N4BP2: variants seen among roughly 807,000 people sequenced by gnomAD.
The protein encoded by N4BP2 is NEDD4-binding protein 2.
N4BP2 carries 91 observed loss-of-function variants against 152.8 expected under a neutral mutation model. The ratio of observed to expected loss-of-function variants is 0.60; its 90% CI spans 0.50 to 0.71. The LOEUF is 0.71. N4BP2 is among the 30% of genes least tolerant of loss of function. N4BP2 has a pLI of 0.00. For missense variants in N4BP2, 1,923 were observed against 2,059.1 expected (o/e 0.93, Z 1.28); for synonymous variants, 646 against 705.3 (o/e 0.92, Z 1.33).
In N4BP2 at chr4:40,139,965, A is replaced by G. The variant is rs567327596; in HGVS notation, c.4786-2708A>G. Among the ~76,000 whole-genome samples the G allele has an allele frequency of 2.7e-5, 4 of 148,622 alleles. No individual in the cohort carries two copies. The East Asian group carries it at 8.1e-4, about 30-fold the overall frequency. On this transcript the variant is annotated intron_variant, in intron 14 of 17. Coordinates refer to ENST00000261435, the MANE Select transcript of N4BP2 (RefSeq NM_018177.6). ...CAGGCATGAACCACCACACCTGGCT[A>G]ATTTTTGTATTTTTTGTAGAGATAG...
At chr4:40,181,915 CT>C in the N4BP2 span, among the ~76,000 whole-genome samples, 1 of 152,218 alleles carries the variant, frequency 6.6e-6, no homozygotes, top group African/African-American at 2.4e-5. Context: ...TGCTACTGCA[CT>C]CCAGCCTGTG....
Position 40,154,705 on chromosome 4 carries a change from C to G in N4BP2, c.*468C>G, listed in dbSNP as rs1451057672. ...AAAAAAAGGAGATCTAACAAAAACACTTGAATATTTTTTATTTTCAAAACT... is the reference window on the plus strand; with the variant it reads ...AAAAAAAGGAGATCTAACAAAAACAGTTGAATATTTTTTATTTTCAAAACT... On this transcript the variant is annotated 3_prime_UTR_variant, in exon 18 of 18. Transcript: ENST00000261435. 1 of 153,186 alleles carries G rather than the reference C, an allele frequency of 6.5e-6. No individual in the cohort carries two copies. Among genetic ancestry groups the G allele is most frequent in the African/African-American group, 2.4e-5 (1 of 41,468 alleles). The allele number at this position is 153,186 out of a possible 1,614,324, so 9.5% of individuals were successfully genotyped here.
chr4:40,102,398 AG>A lies in N4BP2; in HGVS notation c.554del (p.Ser185IlefsTer3), dbSNP rs1321348492. ...AAGTGAGTTTATAAATCCTGATTCA[AG>A]TAATATGACTCCCATTTTTTCTACA... ...DSSEFINPDS[S>X]NMTPIFSTQN... On this transcript the variant is annotated frameshift_variant, in exon 4 of 18. Transcript: ENST00000261435. LOFTEE classifies it high-confidence loss of function. The A allele has an allele frequency of 1.2e-6, 2 of 1,611,808 alleles. No individual in the cohort carries two copies. Among genetic ancestry groups the A allele is most frequent in the Non-Finnish European group, 1.7e-6 (2 of 1,179,106 alleles).
chr4:40,133,844 T>A (rs1480915359), intron 13 of N4BP2, among the ~76,000 whole-genome samples: 1 of 150,628 alleles, frequency 6.6e-6, no homozygotes, highest in Admixed American at 6.6e-5. Context: ...ATCTTGCTGT[T>A]GCCCAGGCTG....
At chr4:40,183,723 A>G in the N4BP2 span, among the ~76,000 whole-genome samples, 7 of 152,382 alleles carry the variant, frequency 4.6e-5, no homozygotes, top group East Asian at 1.3e-3. Context: ...ACAGTCAAGT[A>G]TTAGAGTAAT....
At chr4:40,169,681 G>A in the N4BP2 span, among the ~76,000 whole-genome samples, 2 of 150,746 alleles carry the variant, frequency 1.3e-5, no homozygotes, top group African/African-American at 2.4e-5. Flanking sequence ...CAAAAAAAAG[G>A]AAGCTGGGTG....
At chr4:40,132,859 G>A (rs565205741) in intron 13 of N4BP2, among the ~76,000 whole-genome samples, 1 of 150,204 alleles carries the variant, frequency 6.7e-6, no homozygotes, top group Admixed American at 6.6e-5. Context: ...TTTAATGCAG[G>A]TAGGAATTGA....
In N4BP2 at chr4:40,102,851, A is replaced by C. The variant is rs371309025; in HGVS notation, c.1006A>C (p.Thr336Pro). 6.2e-7 allele frequency: 1 copy of C among 1,614,050 alleles called. No homozygotes were observed. Among genetic ancestry groups the C allele is most frequent in the East Asian group, 2.2e-5 (1 of 44,898 alleles). Residue 336 changes from threonine to proline, a missense_variant, in exon 4 of 18, where the codon ACT (threonine) becomes CCT (proline). Coordinates refer to ENST00000261435, the MANE Select transcript of N4BP2 (RefSeq NM_018177.6). ...FKPHKHPELP[T>P]KGKDVSYCPV... Reference sequence around the variant, plus strand: ...GCCACACAAACATCCTGAACTGCCAACTAAGGGGAAGGATGTGAGTTACTG... The same window carrying C: ...GCCACACAAACATCCTGAACTGCCACCTAAGGGGAAGGATGTGAGTTACTG...
chr4:40,173,706 A>G, the N4BP2 span, among the ~76,000 whole-genome samples: 1 of 152,202 alleles, frequency 6.6e-6, no homozygotes, highest in Admixed American at 6.5e-5. Flanking sequence ...GTCACAGTCA[A>G]AGTCAAACTG....
At chr4:40,188,306 TCA>T in the N4BP2 span, among the ~76,000 whole-genome samples, 25,338 of 152,150 alleles carry the variant, frequency 0.17, 2,535 homozygotes, top group South Asian at 0.34. Flanking sequence ...GACTATGGAA[TCA>T]CAGGCTGTGC....
chr4:40,150,252 A>T (rs61609256), intron 16 of N4BP2, among the ~76,000 whole-genome samples: 1,778 of 152,350 alleles, frequency 0.012, 40 homozygotes, highest in African/African-American at 0.041. Flanking sequence ...TTTGCCTCCA[A>T]ATCAAACTAG....
the N4BP2 span, among the ~76,000 whole-genome samples, chr4:40,190,436 T>G: frequency 1.3e-5 from 2 of 152,242 alleles, no homozygotes; most frequent in Non-Finnish European, 2.9e-5. Context: ...TGTGTCCTTT[T>G]AACTCATTGT....
intron 11 of N4BP2, 24 bp downstream of exon 11, chr4:40,124,229 A>T (rs374883055): frequency 2.2e-5 from 35 of 1,564,676 alleles, no homozygotes; most frequent in Non-Finnish European, 2.8e-5. Context: ...TTTTATTTCT[A>T]ATGTCTTAAT....
chr4:40,121,429 C>A lies in N4BP2; in HGVS notation c.3318C>A (p.Ala1106=). Reference sequence around the variant, plus strand: ...TGTTTGGATCCTTTTCATTAGAAGCCCTGAAAGACTTATATGAGAGGTGCA... The same window carrying A: ...TGTTTGGATCCTTTTCATTAGAAGCACTGAAAGACTTATATGAGAGGTGCA... ...CKLFGSFSLE[A]LKDLYERCNK... Residue 1106 remains alanine, a synonymous_variant, in exon 9 of 18, where the codon GCC becomes GCA. Coordinates refer to ENST00000261435, the MANE Select transcript of N4BP2 (RefSeq NM_018177.6). 7.4e-6 allele frequency: 12 copies of A among 1,611,988 alleles called. No individual in the cohort carries two copies. Among genetic ancestry groups the A allele is most frequent in the Admixed American group, 1.7e-5 (1 of 59,408 alleles).
intron 16 of N4BP2, among the ~76,000 whole-genome samples, chr4:40,150,872 A>T (rs146655087): frequency 4.6e-5 from 7 of 152,354 alleles, no homozygotes; most frequent in African/African-American, 1.7e-4. Context: ...GAAATTTTGG[A>T]AACTAATGAT....
chr4:40,101,523 C>G (rs1318971216), intron 3 of N4BP2, among the ~76,000 whole-genome samples: 2 of 152,112 alleles, frequency 1.3e-5, no homozygotes. Context: ...TGTTTTAAAT[C>G]TCTATTAGAT....
At chr4:40,083,082 G>T (rs990512625) in intron 2 of N4BP2, 1 of 196,350 alleles carries the variant, frequency 5.1e-6, no homozygotes, top group Non-Finnish European at 1.1e-5. Context: ...CCCTGTGCCT[G>T]TTCTGTATTA....
At chr4:40,085,874 T>C (rs1358965137) in intron 2 of N4BP2, among the ~76,000 whole-genome samples, 1 of 152,222 alleles carries the variant, frequency 6.6e-6, no homozygotes, top group African/African-American at 2.4e-5. Context: ...TAAAGAAATA[T>C]AATCTAGCTA....
chr4:40,078,494 T>C (rs1713011973), intron 2 of N4BP2, among the ~76,000 whole-genome samples: 1 of 151,850 alleles, frequency 6.6e-6, no homozygotes, highest in Non-Finnish European at 1.5e-5. Flanking sequence ...TATGGTGGCA[T>C]AGCAAACTTG....
Sources: allele counts gnomAD v4.1 joint callset (sites outside exome capture counted in the v4.1 genomes callset), GRCh38; gene constraint gnomAD v4.1.1; transcripts MANE v1.5; gene names NCBI Gene and HGNC (gene_info 2026-07-23, HGNC 2026-07-21).